The following MEPE variants were observed in gnomAD, a reference collection of about 807,000 sequenced individuals.
MEPE encodes matrix extracellular phosphoglycoprotein.
Under a neutral mutation model 7.3 loss-of-function variants are expected in MEPE, and 7 were observed. That is an observed-to-expected ratio of 0.95 (90% CI 0.54 to 1.79). The LOEUF is 1.79. MEPE is among the 40% of genes most tolerant of loss of function. The probability of loss-of-function intolerance (pLI) is 0.00; values close to 1 mark genes in which losing one functional copy is unlikely to be tolerated. For synonymous variants in MEPE, 214 were observed against 213.1 expected, an observed-to-expected ratio of 1.00 and a Z score of -0.04; for missense variants, 623 against 628.2, an observed-to-expected ratio of 0.99 and a Z score of 0.09.
chr4:87,833,098 G>A (rs967542811), intron 1 of MEPE, 84 bp downstream of exon 1: 1 of 152,056 alleles, frequency 6.6e-6, no homozygotes, highest in African/African-American at 2.4e-5. Context: ...ACCCAAGTAT[G>A]GTTTTATTAC....
chr4:87,836,912 A>C (rs1722815852), intron 2 of MEPE, among the ~76,000 whole-genome samples: 1 of 152,226 alleles, frequency 6.6e-6, no homozygotes, highest in African/African-American at 2.4e-5. Context: ...TACAAACTAT[A>C]AAGAGTCCTA....
In MEPE at chr4:87,834,901, G is replaced by A. The variant is rs1722724750; in HGVS notation, c.54+133G>A. 1.9e-5 allele frequency: 13 copies of A among 698,260 alleles called. No individual in the cohort carries two copies. In the South Asian group the frequency reaches 2.7e-4, roughly 14 times the overall value. 43.3% of individuals were successfully genotyped at this position (698,260 alleles called of 1,614,324 possible). A position where few individuals can be genotyped will look rare whatever the true frequency, so the allele number is the denominator to read the frequency against. On this transcript the variant is annotated intron_variant, in intron 2 of 3. Coordinates refer to ENST00000361056, the MANE Select transcript of MEPE (RefSeq NM_020203.6). ...TATTTTAAAAAGAACCAAGCAAACAGAAAGCATCTAGCACTTAACACTCTT... is the reference window on the plus strand; with the variant it reads ...TATTTTAAAAAGAACCAAGCAAACAAAAAGCATCTAGCACTTAACACTCTT...
Position 87,846,183 on chromosome 4 carries a change from C to G in MEPE, c.1315C>G (p.Pro439Ala), listed in dbSNP as rs1260733630. Residue 439 changes from proline (P) to alanine (A), a missense_variant, in exon 4 of 4, where the codon CCT becomes GCT. Pro to Ala is a conservative substitution (Grantham distance 27). Coordinates refer to ENST00000361056, the MANE Select transcript of MEPE (RefSeq NM_020203.6). ...SKGKSQGLPI[P>A]SRGLDNEIKN... is the part of the protein sequence containing the mutation. ...GGGCAAAAGTCAGGGCCTGCCCATTCCTTCTCGTGGTCTTGATAATGAAAT... is the reference window on the plus strand; with the variant it reads ...GGGCAAAAGTCAGGGCCTGCCCATTGCTTCTCGTGGTCTTGATAATGAAAT... 2 of 1,614,026 alleles carry G rather than the reference C, an allele frequency of 1.2e-6. No homozygotes were observed. Among genetic ancestry groups the G allele is most frequent in the East Asian group, 4.5e-5 (2 of 44,888 alleles).
chr4:87,845,220 C>T lies in MEPE; in HGVS notation c.352C>T (p.Pro118Ser), dbSNP rs2110013011. 1.2e-6 allele frequency: 2 copies of T among 1,613,878 alleles called. No individual in the cohort carries two copies. The highest frequency in any genetic ancestry group is 1.7e-6 in the Non-Finnish European group (2 of 1,179,922). Residue 118 changes from proline (P) to serine (S), a missense_variant, in exon 4 of 4, where the codon CCT (proline) becomes TCT (serine). By Grantham distance (74) the Pro-to-Ser change is moderately conservative (BLOSUM62 -1). Transcript: ENST00000361056. ...CAATGGCCTGAGGATGTCAATTTAT[C>T]CTAAGTCAACTGGGAATAAAGGGTT... is the stretch of plus-strand genomic sequence containing the variant. The part of the protein sequence containing the change: ...THNGLRMSIY[P>S]KSTGNKGFED...
intron 3 of MEPE, chr4:87,839,845 T>G: frequency 1.3e-6 from 2 of 1,543,784 alleles, no homozygotes; most frequent in Non-Finnish European, 1.8e-6. Flanking sequence ...GAGGAAAATG[T>G]AGGGGAGGCA....
At chr4:87,824,983 G>A (rs1360182506) in intron 1 of MEPE, among the ~76,000 whole-genome samples, 1 of 152,112 alleles carries the variant, frequency 6.6e-6, no homozygotes, top group Non-Finnish European at 1.5e-5. Flanking sequence ...CAAGAGCTGG[G>A]ACTACAGGTG....
At chr4:87,840,143 A>G in intron 3 of MEPE, 2 of 1,428,440 alleles carry the variant, frequency 1.4e-6, no homozygotes, top group South Asian at 2.8e-5. Flanking sequence ...ATATGCTCTG[A>G]TGGTGGGGAT....
chr4:87,835,869 C>G (rs558554576), intron 2 of MEPE, among the ~76,000 whole-genome samples: 191 of 152,300 alleles, frequency 1.3e-3, no homozygotes, highest in African/African-American at 4.5e-3. Flanking sequence ...TTCCAAGAAG[C>G]AGCTGGAGTG....
At chr4:87,832,858 A>T (rs551103238), upstream of MEPE, 1 of 152,286 alleles carries the variant, frequency 6.6e-6, no homozygotes, top group Non-Finnish European at 1.5e-5. Flanking sequence ...CCCTATGGTT[A>T]TCTGTGGGCG....
chr4:87,844,905 A>T (rs1460153593), intron 3 of MEPE, 72 bp from the exon 4 acceptor site: 8 of 1,130,920 alleles, frequency 7.1e-6, no homozygotes, highest in Non-Finnish European at 9.6e-6. Flanking sequence ...TGGTTTTTAT[A>T]TTGCCTAAGA....
upstream of MEPE, among the ~76,000 whole-genome samples, chr4:87,830,591 G>A (rs1244708458): frequency 2.0e-5 from 3 of 152,074 alleles, no homozygotes; most frequent in Non-Finnish European, 2.9e-5. Flanking sequence ...GGTGAAGGGT[G>A]GGAAGAAGGA....
chr4:87,830,823 TA>T (rs68093598), upstream of MEPE, among the ~76,000 whole-genome samples: 520 of 34,032 alleles, frequency 0.015, 3 homozygotes, highest in African/African-American at 0.035. Flanking sequence ...TTAGATATGA[TA>T]AAAAAAAAAA....
intron 1 of MEPE, among the ~76,000 whole-genome samples, chr4:87,823,627 T>C (rs1722396581): frequency 6.6e-6 from 1 of 152,216 alleles, no homozygotes. Context: ...AGAAAACAAA[T>C]GTTGACTTTC....
intron 3 of MEPE, chr4:87,840,072 T>C: frequency 2.0e-6 from 3 of 1,532,192 alleles, no homozygotes; most frequent in Non-Finnish European, 2.6e-6. Context: ...TGGACTGCTG[T>C]GTTACTGCTT....
intron 1 of MEPE, among the ~76,000 whole-genome samples, chr4:87,827,013 A>G (rs1168397425): frequency 6.6e-6 from 1 of 152,178 alleles, no homozygotes; most frequent in East Asian, 1.9e-4. Flanking sequence ...ATTAGATCCC[A>G]TTTCTGACTG....
intron 2 of MEPE, among the ~76,000 whole-genome samples, chr4:87,837,360 A>G (rs1458366202): frequency 6.6e-6 from 1 of 152,090 alleles, no homozygotes; most frequent in Non-Finnish European, 1.5e-5. Context: ...CCCCCCCTCC[A>G]GACTCATGCC....
chr4:87,835,898 C>G (rs559427690), intron 2 of MEPE, among the ~76,000 whole-genome samples: 1 of 152,138 alleles, frequency 6.6e-6, no homozygotes, highest in Non-Finnish European at 1.5e-5. Flanking sequence ...TCATCATTTT[C>G]CAGTAAATGT....
Position 87,846,407 on chromosome 4 carries a change from A to G in MEPE, c.1539A>G (p.Ser513=). 2.5e-6 allele frequency: 4 copies of G among 1,613,948 alleles called. No individual in the cohort carries two copies. Among genetic ancestry groups the G allele is most frequent in the Non-Finnish European group, 3.4e-6 (4 of 1,179,886 alleles). Residue 513 remains serine (S), a synonymous_variant, in exon 4 of 4, where the codon TCA becomes TCG. Transcript: ENST00000361056. ...GTAGAAGGGATGACAGTAGTGAGTC[A>G]TCTGACAGTGGCAGTTCAAGTGAGA... ...SSRRRDDSSE[S]SDSGSSSESD... is the part of the protein sequence containing the mutation.
At chr4:87,828,177 G>C (rs1042245086), upstream of MEPE, among the ~76,000 whole-genome samples, 4 of 152,116 alleles carry the variant, frequency 2.6e-5, no homozygotes, top group Non-Finnish European at 5.9e-5. Flanking sequence ...CATCTGTATG[G>C]TAAAGAAGAG....
Sources: gnomAD v4.1 joint callset for allele counts (sites outside exome capture counted in the v4.1 genomes callset) on GRCh38, gnomAD v4.1.1 for gene constraint, MANE v1.5 for transcripts, NCBI Gene and HGNC (gene_info 2026-07-23, HGNC 2026-07-21) for gene names.